Variants in UST observed in about 807,000 individuals in gnomAD.
The protein encoded by UST is uronyl 2-sulfotransferase, also known as chondroitin sulfate 2-O-sulfotransferase.
A neutral mutation model predicts 45.6 loss-of-function variants in UST; 21 were observed. That is an observed-to-expected ratio of 0.46 (90% CI 0.33 to 0.66). UST has a LOEUF of 0.66. Ranked by LOEUF, UST falls within the 30% of genes least tolerant of loss-of-function variation. UST has a pLI of 0.02. For synonymous variants in UST, 215 were observed against 200.6 expected (o/e 1.07, Z -0.61); for missense variants, 463 against 512.4 (o/e 0.90, Z 0.93).
chr6:148,883,450 T>C (rs569093809), intron 1 of UST, among the ~76,000 whole-genome samples: 9 of 152,320 alleles, frequency 5.9e-5, no homozygotes, highest in East Asian at 5.8e-4. Flanking sequence ...TATGGAAACA[T>C]TGAGTATTCT....
intron 3 of UST, among the ~76,000 whole-genome samples, chr6:148,950,417 A>C (rs2114935023): frequency 6.6e-6 from 1 of 152,264 alleles, no homozygotes; most frequent in East Asian, 1.9e-4. Context: ...CCCTGTCCTC[A>C]GATCTGGAAA....
At chr6:148,872,328 C>T (rs1778574345) in intron 1 of UST, among the ~76,000 whole-genome samples, 1 of 152,154 alleles carries the variant, frequency 6.6e-6, no homozygotes. Context: ...TGAAAACTTT[C>T]ACCGCATATT....
At chr6:148,844,969 T>G (rs971859047) in intron 1 of UST, among the ~76,000 whole-genome samples, 41 of 152,328 alleles carry the variant, frequency 2.7e-4, no homozygotes, top group Non-Finnish European at 3.8e-4. Context: ...TGTTGTTGTT[T>G]TTTTTAATGG....
At chr6:149,036,702 A>G (rs1776243642) in intron 7 of UST, among the ~76,000 whole-genome samples, 1 of 152,228 alleles carries the variant, frequency 6.6e-6, no homozygotes, top group African/African-American at 2.4e-5. Flanking sequence ...CACTGCCTTC[A>G]GCATCTGTAT....
intron 2 of UST, among the ~76,000 whole-genome samples, chr6:148,931,020 A>G (rs1297857974): frequency 1.3e-5 from 2 of 152,220 alleles, no homozygotes; most frequent in Non-Finnish European, 2.9e-5. Context: ...CTTGGCAGCC[A>G]AGTGTGGCTG....
At chr6:149,053,941 A>G (rs1313639800) in intron 7 of UST, among the ~76,000 whole-genome samples, 1 of 152,220 alleles carries the variant, frequency 6.6e-6, no homozygotes, top group African/African-American at 2.4e-5. Context: ...CCTCTGTGAA[A>G]TGGCTGTCAT....
At chr6:148,819,551 T>G (rs1777416984) in intron 1 of UST, among the ~76,000 whole-genome samples, 1 of 152,270 alleles carries the variant, frequency 6.6e-6, no homozygotes, top group Admixed American at 6.5e-5. Context: ...ACAGACTTTG[T>G]AACTTTTCTG....
intron 1 of UST, among the ~76,000 whole-genome samples, chr6:148,877,930 TG>T (rs140586056): frequency 2.4e-4 from 4 of 16,438 alleles, no homozygotes; most frequent in Non-Finnish European, 4.2e-4. Context: ...TGTGTATGAG[TG>T]GGGGGGTCGT....
intron 2 of UST, among the ~76,000 whole-genome samples, chr6:148,908,658 C>A (rs529393357): frequency 1.3e-5 from 2 of 152,230 alleles, no homozygotes; most frequent in South Asian, 2.1e-4. Context: ...ATATCAAATT[C>A]TCTTTTTAAC....
At chr6:148,952,296 G>A (rs1194892842) in intron 3 of UST, among the ~76,000 whole-genome samples, 1 of 152,176 alleles carries the variant, frequency 6.6e-6, no homozygotes, top group Non-Finnish European at 1.5e-5. Context: ...GCACTTGCAG[G>A]TGGTGTGTCG....
intron 1 of UST, among the ~76,000 whole-genome samples, chr6:148,751,286 C>A (rs745930037): frequency 3.3e-5 from 5 of 152,158 alleles, no homozygotes; most frequent in Non-Finnish European, 5.9e-5. Flanking sequence ...AAAAATGCAT[C>A]TTGTTTGCTA....
intron 1 of UST, among the ~76,000 whole-genome samples, chr6:148,805,949 T>C (rs1777137347): frequency 1.3e-5 from 2 of 152,240 alleles, no homozygotes; most frequent in African/African-American, 2.4e-5. Flanking sequence ...TGTCGGTCTT[T>C]TTCTATTATC....
At chr6:148,931,874 A>T (rs1217486983) in intron 2 of UST, among the ~76,000 whole-genome samples, 2 of 152,248 alleles carry the variant, frequency 1.3e-5, no homozygotes, top group Non-Finnish European at 2.9e-5. Context: ...GCCGCCAAGC[A>T]CAAGTGCAGT....
At chr6:149,058,258 A>G (rs965963673) in intron 7 of UST, among the ~76,000 whole-genome samples, 4 of 152,064 alleles carry the variant, frequency 2.6e-5, no homozygotes, top group Non-Finnish European at 5.9e-5. Flanking sequence ...TGACGGTGTC[A>G]GCAACTGGCT....
At chr6:148,886,858 A>G in intron 1 of UST, 128 bp from the exon 2 acceptor site, 1 of 780,422 alleles carries the variant, frequency 1.3e-6, no homozygotes. Flanking sequence ...TTAATTCCCC[A>G]TTTTTCTTTG....
chr6:148,751,686 T>C lies in UST; in HGVS notation c.247+4009T>C, dbSNP rs145792856. Among the ~76,000 whole-genome samples, 6 of 152,026 alleles carry C rather than the reference T, an allele frequency of 3.9e-5. No individual in the cohort carries two copies. The East Asian group carries it at 1.2e-3, about 29-fold the overall frequency. On this transcript the variant is annotated intron_variant, in intron 1 of 7. Coordinates refer to ENST00000367463, the MANE Select transcript of UST (RefSeq NM_005715.3). Reference sequence around the variant, plus strand: ...ATACATTGGGGTAAATAGAAATATATAGCAAATGCTACACTTAAGCTTGGA... The same window carrying C: ...ATACATTGGGGTAAATAGAAATATACAGCAAATGCTACACTTAAGCTTGGA...
chr6:148,983,983 A>T lies in UST; in HGVS notation c.681+19420A>T, dbSNP rs932113757. 8.5e-5 allele frequency among the ~76,000 whole-genome samples: 13 copies of T among 152,316 alleles called. 3 individuals carry two copies. Among genetic ancestry groups the T allele is most frequent in the East Asian group, 3.9e-4 (2 of 5,184 alleles). ...AATTTGACTTGTTCTTTTTTTAAAA[A>T]ATTAAACTGTTCTTCCTGGGTTTTT... On this transcript the variant is annotated intron_variant, in intron 5 of 7. Coordinates refer to ENST00000367463, the MANE Select transcript of UST (RefSeq NM_005715.3).
chr6:149,028,023 T>G (rs1345777767), intron 7 of UST, among the ~76,000 whole-genome samples: 6 of 152,122 alleles, frequency 3.9e-5, no homozygotes, highest in Non-Finnish European at 8.8e-5. Flanking sequence ...TTTGTATTTT[T>G]GGTAGAGACG....
chr6:148,792,249 T>C (rs565830075), intron 1 of UST, among the ~76,000 whole-genome samples: 6 of 152,348 alleles, frequency 3.9e-5, no homozygotes, highest in Admixed American at 3.9e-4. Context: ...GAATAAATTA[T>C]GCTTGGCACC....
Sources: gnomAD v4.1 joint callset for allele counts (sites outside exome capture counted in the v4.1 genomes callset) on GRCh38, gnomAD v4.1.1 for gene constraint, MANE v1.5 for transcripts, NCBI Gene and HGNC (gene_info 2026-07-23, HGNC 2026-07-21) for gene names.